The following PARVA variants were observed in gnomAD, a reference collection of about 807,000 sequenced individuals.
The protein encoded by PARVA is parvin alpha.
A neutral mutation model predicts 52.6 loss-of-function variants in PARVA; 25 were observed. The ratio of observed to expected loss-of-function variants is 0.48; its 90% confidence interval spans 0.35 to 0.66. PARVA has a LOEUF of 0.66. PARVA is among the 30% of genes least tolerant of loss of function. The probability of loss-of-function intolerance (pLI) is 0.01; values close to 1 mark genes in which losing one functional copy is unlikely to be tolerated. For missense variants in PARVA, 373 were observed against 450.9 expected (o/e 0.83, Z 1.56); for synonymous variants, 185 against 179.1 (o/e 1.03, Z -0.26).
chr11:12,416,429 A>G (rs1940068505), intron 1 of PARVA, among the ~76,000 whole-genome samples: 2 of 152,240 alleles, frequency 1.3e-5, no homozygotes, highest in Non-Finnish European at 2.9e-5. Context: ...TTTACAGGAA[A>G]TAAGAAGTTG....
In PARVA at chr11:12,527,897, T is replaced by G. The variant is rs1941723660; in HGVS notation, c.1091T>G (p.Leu364Arg). 1 of 1,613,006 alleles carries G rather than the reference T, an allele frequency of 6.2e-7. No individual in the cohort carries two copies. Among genetic ancestry groups the G allele is most frequent in the Non-Finnish European group, 8.5e-7 (1 of 1,179,628 alleles). ...TCTACACTACGAGTGTTGTACAACC[T>G]CTTCACCAAGTACCGTAACGTGGAG... ...LKSTLRVLYNLFTKYRNVE is the reference protein window; with the variant it reads ...LKSTLRVLYNRFTKYRNVE The change falls in exon 13 of 13, where the codon CTC becomes CGC. Residue 364 changes from leucine (L) to arginine (R), a missense_variant. By Grantham distance (102) the Leu-to-Arg change is moderately radical. Transcript: ENST00000334956.
At chr11:12,512,299 C>G (rs748044452) in intron 8 of PARVA, among the ~76,000 whole-genome samples, 2 of 152,222 alleles carry the variant, frequency 1.3e-5, no homozygotes, top group Non-Finnish European at 1.5e-5. Flanking sequence ...TCTCTTTCTT[C>G]CCTCATCACA....
intron 1 of PARVA, among the ~76,000 whole-genome samples, chr11:12,413,507 G>C (rs140844915): frequency 1.3e-5 from 2 of 152,194 alleles, no homozygotes; most frequent in Non-Finnish European, 2.9e-5. Flanking sequence ...AGGGATGTCT[G>C]CTAGAATGCG....
At chr11:12,436,811 GA>G (rs1307607700) in intron 1 of PARVA, among the ~76,000 whole-genome samples, 2 of 152,050 alleles carry the variant, frequency 1.3e-5, no homozygotes, top group Non-Finnish European at 2.9e-5. Flanking sequence ...TATTTCAAAA[GA>G]AAAAATGATT....
At chr11:12,517,788 A>C in intron 11 of PARVA, 77 bp downstream of exon 11, 1 of 1,026,022 alleles carries the variant, frequency 9.7e-7, no homozygotes, top group East Asian at 2.6e-5. Context: ...TGCTGGGGCT[A>C]TCCAGAAAAA....
At chr11:12,468,163 C>A (rs1286912181) in intron 1 of PARVA, among the ~76,000 whole-genome samples, 1 of 152,214 alleles carries the variant, frequency 6.6e-6, no homozygotes, top group East Asian at 1.9e-4. Flanking sequence ...TCTCTCCTTA[C>A]ATCTCTGTCA....
intron 3 of PARVA, among the ~76,000 whole-genome samples, chr11:12,474,258 A>C (rs1940974727): frequency 6.6e-6 from 1 of 152,122 alleles, no homozygotes. Context: ...TCCAGAGTGC[A>C]CAAAATGCTT....
Position 12,517,677 on chromosome 11 carries a change from G to A in PARVA, c.935G>A (p.Ser312Asn). 6.2e-7 allele frequency: 1 copy of A among 1,604,572 alleles called. No homozygotes were observed. ...GAGGGCTACTTTGTGCCCCTGCACA[G>A]CTTCTTCCTGACCCCGGACAGCTTT... The part of the protein sequence containing the change: ...LLEGYFVPLH[S>N]FFLTPDSFEQ... The change falls in exon 11 of 13, where the codon AGC becomes AAC. Residue 312 changes from serine to asparagine, a missense_variant. Transcript: ENST00000334956.
rs889120965 is a variant in PARVA, at chr11:12,535,193, C to T, written c.*7268C>T. Among the ~76,000 whole-genome samples, 1 of 152,196 alleles carries T rather than the reference C, an allele frequency of 6.6e-6. No individual in the cohort carries two copies. The highest frequency in any genetic ancestry group is 1.5e-5 in the Non-Finnish European group (1 of 68,038). On this transcript the variant is annotated 3_prime_UTR_variant, in exon 13 of 13. Coordinates refer to ENST00000334956, the MANE Select transcript of PARVA (RefSeq NM_018222.5). ...GCATTGGAATTGTGTGTTGTCTAGACCCATGGCCAAGACTGTCATTGCCTG... is the reference window on the plus strand; with the variant it reads ...GCATTGGAATTGTGTGTTGTCTAGATCCATGGCCAAGACTGTCATTGCCTG...
intron 12 of PARVA, among the ~76,000 whole-genome samples, chr11:12,519,712 C>G (rs1941613881): frequency 6.6e-6 from 1 of 152,140 alleles, no homozygotes; most frequent in African/African-American, 2.4e-5. Context: ...AATGGGGACC[C>G]TGTCTCATGA....
rs1189342626 is a variant in PARVA, at chr11:12,533,004, T to C, written c.*5079T>C. Among the ~76,000 whole-genome samples the C allele has an allele frequency of 1.3e-5, 2 of 152,188 alleles. No homozygotes were observed. Among genetic ancestry groups the C allele is most frequent in the African/African-American group, 2.4e-5 (1 of 41,442 alleles). ...TTGCCTTTCTCATGTCATACCATGG[T>C]CCTGGCTGGGGAGCGGAGGAGACCA... On this transcript the variant is annotated 3_prime_UTR_variant, in exon 13 of 13. Coordinates refer to ENST00000334956, the MANE Select transcript of PARVA (RefSeq NM_018222.5).
chr11:12,460,817 CTT>C (rs1940766820), intron 1 of PARVA, among the ~76,000 whole-genome samples: 3 of 152,142 alleles, frequency 2.0e-5, no homozygotes. Flanking sequence ...AGAGAGGAAA[CTT>C]AACTCAGGTG....
intron 4 of PARVA, among the ~76,000 whole-genome samples, chr11:12,491,821 A>G (rs1417826869): frequency 6.6e-6 from 1 of 152,236 alleles, no homozygotes; most frequent in African/African-American, 2.4e-5. Flanking sequence ...ATATTTGAAT[A>G]ATACAGTTAA....
intron 1 of PARVA, among the ~76,000 whole-genome samples, chr11:12,456,183 T>G (rs1394122858): frequency 6.6e-6 from 1 of 152,198 alleles, no homozygotes; most frequent in African/African-American, 2.4e-5. Context: ...GTTGTTGGCA[T>G]GTACTGAGAA....
rs11022399 is a variant in PARVA, at chr11:12,533,637, A to G, written c.*5712A>G. 0.13 allele frequency among the ~76,000 whole-genome samples: 19,459 copies of G among 152,250 alleles called. 1,521 individuals are homozygous for G. Among genetic ancestry groups the G allele is most frequent in the Middle Eastern group, 0.2 (58 of 294 alleles). ...CTAATAGCCTTACTGAACACGGTCAATTAACACATAGCTAGTATGTTATGT... is the reference window on the plus strand; with the variant it reads ...CTAATAGCCTTACTGAACACGGTCAGTTAACACATAGCTAGTATGTTATGT... On this transcript the variant is annotated 3_prime_UTR_variant, in exon 13 of 13. Transcript: ENST00000334956.
chr11:12,518,015 A>G (rs1409065489), intron 11 of PARVA, among the ~76,000 whole-genome samples: 3 of 152,168 alleles, frequency 2.0e-5, no homozygotes, highest in African/African-American at 7.2e-5. Flanking sequence ...AGTGACTGTG[A>G]AGCTGGTCAG....
At chr11:12,417,166 A>AT (rs1940078056) in intron 1 of PARVA, among the ~76,000 whole-genome samples, 1 of 152,224 alleles carries the variant, frequency 6.6e-6, no homozygotes, top group Non-Finnish European at 1.5e-5. Context: ...TGATCCAGCA[A>AT]TTCCACCTTT....
intron 1 of PARVA, among the ~76,000 whole-genome samples, chr11:12,408,615 A>G (rs1939948120): frequency 6.6e-6 from 1 of 152,148 alleles, no homozygotes; most frequent in Non-Finnish European, 1.5e-5. Flanking sequence ...AGTTGGCCAT[A>G]TCACTTAGTT....
rs549074947 is a variant in PARVA, at chr11:12,488,050, C to T, written c.401-8408C>T. Reference sequence around the variant, plus strand: ...TAACCCATCAGTAGATATCAAATAACATTTGATACATATTTGAACAGTCAT... The same window carrying T: ...TAACCCATCAGTAGATATCAAATAATATTTGATACATATTTGAACAGTCAT... On this transcript the variant is annotated intron_variant, in intron 4 of 12. Transcript: ENST00000334956. 3.3e-5 allele frequency among the ~76,000 whole-genome samples: 5 copies of T among 152,166 alleles called. No individual in the cohort carries two copies. The South Asian group carries it at 1.0e-3, about 32-fold the overall frequency.
Sources: gnomAD v4.1 joint callset for allele counts (sites outside exome capture counted in the v4.1 genomes callset) on GRCh38, gnomAD v4.1.1 for gene constraint, MANE v1.5 for transcripts, NCBI Gene and HGNC (gene_info 2026-07-23, HGNC 2026-07-21) for gene names.